The following DOCK1 variants were observed in gnomAD, a reference collection of about 807,000 sequenced individuals.
DOCK1 encodes the protein dedicator of cytokinesis 1, also known as dedicator of cytokinesis protein 1.
DOCK1 carries 138 observed loss-of-function variants against 262.7 expected under a neutral mutation model. The ratio of observed to expected loss-of-function variants is 0.53; its 90% CI spans 0.46 to 0.61. The LOEUF (loss-of-function observed/expected upper bound fraction) is 0.61. Ranked by LOEUF, DOCK1 falls within the 20% of genes least tolerant of loss-of-function variation. DOCK1 has a pLI of 0.00. For synonymous variants in DOCK1, 866 were observed against 867.4 expected (o/e 1.00, Z 0.03); for missense variants, 1,908 against 2,370.7 (o/e 0.80, Z 4.05).
rs140684189 is a variant in DOCK1 at position 127,173,197 on chromosome 10, C to T, written c.2847+45433C>T. ...CATCTACCCATTCAGACACACCTGC[C>T]ACTAGGCTGAACACATTAGAAGGTC... On this transcript the variant is annotated intron_variant, in intron 27 of 51. Coordinates refer to ENST00000623213, the MANE Select transcript of DOCK1 (RefSeq NM_001290223.2). Among the ~76,000 whole-genome samples, 26 of 152,284 alleles carry T rather than the reference C, an allele frequency of 1.7e-4. No homozygotes were observed. In the East Asian group the frequency reaches 3.7e-3, roughly 22 times the overall value.
intron 27 of DOCK1, among the ~76,000 whole-genome samples, chr10:127,199,899 C>A (rs1359418977): frequency 6.6e-6 from 1 of 152,192 alleles, no homozygotes; most frequent in African/African-American, 2.4e-5. Flanking sequence ...ACCAGTGTAT[C>A]TGTCAGTGTG....
intron 27 of DOCK1, among the ~76,000 whole-genome samples, chr10:127,156,283 A>G (rs1373205576): frequency 6.6e-6 from 1 of 152,148 alleles, no homozygotes; most frequent in East Asian, 1.9e-4. Flanking sequence ...GTCACACTTC[A>G]GGTCCAGGAT....
intron 14 of DOCK1, 133 bp from the exon 15 acceptor site, chr10:127,024,552 A>C: frequency 1.4e-6 from 1 of 693,454 alleles, no homozygotes; most frequent in South Asian, 2.4e-5. Flanking sequence ...CCTTGCTGGG[A>C]ACGTGTTCAT....
intron 32 of DOCK1, among the ~76,000 whole-genome samples, chr10:127,361,175 G>A (rs933148747): frequency 4.9e-5 from 7 of 143,250 alleles, no homozygotes; most frequent in Middle Eastern, 3.8e-3. Flanking sequence ...GTGCACTGGC[G>A]TGATCTTGGC....
rs760423213 is a variant in DOCK1 at position 127,415,163 on chromosome 10, C to T, written c.4440C>T (p.Ile1480=). 7 of 1,612,862 alleles carry T rather than the reference C, an allele frequency of 4.3e-6. No homozygotes were observed. In the African/African-American group the frequency reaches 5.3e-5, roughly 12 times the overall value. ...TGTTTCCTTTGCAGAATATGTGGAT[C>T]GAGAGAACCATATATACAACTGCAT... The part of the protein sequence containing the change: ...NPDNEFANMW[I]ERTIYTTAYK... Residue 1480 remains isoleucine (I), a synonymous_variant, in exon 44 of 52, where the codon ATC becomes ATT. Coordinates refer to ENST00000623213, the MANE Select transcript of DOCK1 (RefSeq NM_001290223.2).
intron 27 of DOCK1, chr10:127,192,843 G>C (rs575385848): frequency 6.6e-6 from 1 of 152,200 alleles, no homozygotes; most frequent in South Asian, 2.1e-4. Flanking sequence ...ATCCTGTCAG[G>C]GTCCCTATAG....
At chr10:126,984,859 A>C (rs1163224722) in intron 4 of DOCK1, among the ~76,000 whole-genome samples, 1 of 151,872 alleles carries the variant, frequency 6.6e-6, no homozygotes, top group Non-Finnish European at 1.5e-5. Context: ...TACAATACAT[A>C]GCTATTGTAG....
chr10:127,292,062 A>G (rs566983080), intron 29 of DOCK1, among the ~76,000 whole-genome samples: 3 of 152,198 alleles, frequency 2.0e-5, no homozygotes, highest in Admixed American at 2.0e-4. Flanking sequence ...GCCTCTGGTT[A>G]TATTTCAAGG....
At chr10:126,989,983 G>A (rs1022504765) in intron 5 of DOCK1, among the ~76,000 whole-genome samples, 13 of 152,164 alleles carry the variant, frequency 8.5e-5, no homozygotes, top group African/African-American at 2.9e-4. Flanking sequence ...CTGAGAGCGA[G>A]GCCGAGGAGT....
At chr10:127,423,836 G>A (rs1382135595) in intron 46 of DOCK1, among the ~76,000 whole-genome samples, 1 of 152,102 alleles carries the variant, frequency 6.6e-6, no homozygotes, top group Non-Finnish European at 1.5e-5. Context: ...CCATCAGGAG[G>A]GCGTCTTTGT....
At chr10:127,392,459 A>G (rs6482856) in intron 38 of DOCK1, among the ~76,000 whole-genome samples, 70,906 of 151,798 alleles carry the variant, frequency 0.47, 16,915 homozygotes, top group African/African-American at 0.51. Context: ...GCTTTTTAAG[A>G]GTGGTTTTAG....
At chr10:127,037,850 T>A in intron 19 of DOCK1, 34 bp downstream of exon 19, 158 of 243,034 alleles carry the variant, frequency 6.5e-4, no homozygotes, top group Non-Finnish European at 8.5e-4. Flanking sequence ...TTTTGGGTCT[T>A]TTTTTTTTTT....
At chr10:127,217,736 G>A (rs900878089) in intron 27 of DOCK1, among the ~76,000 whole-genome samples, 12 of 152,132 alleles carry the variant, frequency 7.9e-5, no homozygotes, top group Admixed American at 6.5e-5. Flanking sequence ...TACCTTTATG[G>A]GGACTTGGCC....
chr10:127,171,623 C>G (rs77904154), intron 27 of DOCK1, among the ~76,000 whole-genome samples: 3,336 of 152,270 alleles, frequency 0.022, 117 homozygotes, highest in African/African-American at 0.072. Flanking sequence ...GGGAGAGGAA[C>G]TGACTTTCCC....
In DOCK1 at chr10:127,403,105, G is replaced by C. The variant is rs2067317271; in HGVS notation, c.3978G>C (p.Glu1326Asp). The change falls in exon 39 of 52, where the codon GAG becomes GAC. Residue 1326 changes from glutamate (E) to aspartate (D), a missense_variant. By Grantham distance (45) the Glu-to-Asp change is conservative. This residue lies in a region of DOCK1 where 267 missense variants were observed against 366.3 expected (regional missense o/e 0.73). Transcript: ENST00000623213. ...GCAAGGAGCTAGCCGAGCAGTATGA[G>C]AACGAAATGTTTGATTATGAGCAAC... The part of the protein sequence containing the change: ...ALGKELAEQY[E>D]NEMFDYEQLS... The C allele has an allele frequency of 2.5e-6, 4 of 1,612,784 alleles. No individual in the cohort carries two copies. Among genetic ancestry groups the C allele is most frequent in the Non-Finnish European group, 3.4e-6 (4 of 1,179,448 alleles).
chr10:127,048,796 T>C (rs1216402589), intron 21 of DOCK1, among the ~76,000 whole-genome samples: 2 of 152,224 alleles, frequency 1.3e-5, no homozygotes, highest in Non-Finnish European at 2.9e-5. Context: ...TTTATGCTTT[T>C]GACAGAATTC....
chr10:126,940,139 CAGTAATGGATA>C (rs2034878400), intron 1 of DOCK1, among the ~76,000 whole-genome samples: 1 of 152,112 alleles, frequency 6.6e-6, no homozygotes. Context: ...TTTGTAGTCT[CAGTAATGGATA>C]AGAAATTTGC....
intron 12 of DOCK1, among the ~76,000 whole-genome samples, chr10:127,014,626 A>T (rs9418692): frequency 0.81 from 122,973 of 152,136 alleles, 49,977 homozygotes; most frequent in South Asian, 0.89. Context: ...TCTGTAAGAT[A>T]TATTTTGTGG....
intron 10 of DOCK1, chr10:127,000,645 A>G: frequency 3.9e-6 from 1 of 258,884 alleles, no homozygotes; most frequent in Middle Eastern, 1.4e-3. Flanking sequence ...AAGAATGGAT[A>G]TGTGCAGGAC....
Sources: gnomAD v4.1 joint callset for allele counts (sites outside exome capture counted in the v4.1 genomes callset) on GRCh38, gnomAD v4.1.1 for gene constraint, gnomAD v4.1.1 regional missense constraint, MANE v1.5 for transcripts, NCBI Gene and HGNC (gene_info 2026-07-23, HGNC 2026-07-21) for gene names.